The following DNAH8 variants were observed in gnomAD, a reference collection of about 807,000 sequenced individuals.
The protein encoded by DNAH8 is dynein axonemal heavy chain 8.
A neutral mutation model predicts 562.1 loss-of-function variants in DNAH8; 382 were observed. The ratio of observed to expected loss-of-function variants is 0.68; its 90% CI spans 0.63 to 0.74. DNAH8 has a LOEUF of 0.74. Ranked by LOEUF, DNAH8 falls within the 30% of genes least tolerant of loss-of-function variation. DNAH8 has a pLI of 0.00. For synonymous variants in DNAH8, 1,881 were observed against 1,919.4 expected (o/e 0.98, Z 0.52); for missense variants, 5,203 against 5,620.4 (o/e 0.93, Z 2.37).
At chr6:39,012,997 G>T (rs571590362) in intron 91 of DNAH8, among the ~76,000 whole-genome samples, 82 of 152,234 alleles carry the variant, frequency 5.4e-4, no homozygotes, top group African/African-American at 1.9e-3. Context: ...ACCAAAAGAT[G>T]CAAAAATTGT....
At chr6:38,881,450 C>T (rs1252045832) in intron 53 of DNAH8, among the ~76,000 whole-genome samples, 8 of 151,958 alleles carry the variant, frequency 5.3e-5, no homozygotes, top group South Asian at 2.1e-4. Flanking sequence ...ATAGGAATAA[C>T]GCCAATACAA....
chr6:38,894,899 C>G (rs781296739), intron 59 of DNAH8, 35 bp downstream of exon 59: 9 of 1,575,262 alleles, frequency 5.7e-6, no homozygotes, highest in Non-Finnish European at 6.0e-6. Context: ...AAATGTATGA[C>G]CTGAGAAGTT....
chr6:38,936,938 A>G (rs1417409175), intron 77 of DNAH8, among the ~76,000 whole-genome samples: 2 of 152,342 alleles, frequency 1.3e-5, no homozygotes, highest in South Asian at 4.1e-4. Context: ...TTAGCTCAGT[A>G]CATCCAAGGT....
chr6:38,889,937 A>C (rs1290030433), intron 57 of DNAH8, among the ~76,000 whole-genome samples: 1 of 152,218 alleles, frequency 6.6e-6, no homozygotes, highest in Non-Finnish European at 1.5e-5. Flanking sequence ...CACACTCTGC[A>C]GTGTGTAGTC....
chr6:38,779,825 C>T (rs867784384), intron 14 of DNAH8, 141 bp from the exon 15 acceptor site: 18 of 800,958 alleles, frequency 2.2e-5, no homozygotes, highest in East Asian at 1.6e-4. Context: ...CCTCCTATCT[C>T]GTTCATTGCT....
At chr6:38,971,506 C>G in intron 82 of DNAH8, 86 bp from the exon 83 acceptor site, 1 of 750,792 alleles carries the variant, frequency 1.3e-6, no homozygotes, top group Non-Finnish European at 2.0e-6. Context: ...TAGAAGGAGG[C>G]TATAATCATT....
At chr6:38,995,288 C>A (rs116252835) in intron 88 of DNAH8, among the ~76,000 whole-genome samples, 2,599 of 152,210 alleles carry the variant, frequency 0.017, 65 homozygotes, top group African/African-American at 0.058. Context: ...AGGTATTATT[C>A]TCCTAAGGTA....
At chr6:39,023,046 T>TG (rs1767029469) in intron 91 of DNAH8, among the ~76,000 whole-genome samples, 1 of 152,346 alleles carries the variant, frequency 6.6e-6, no homozygotes, top group Admixed American at 6.5e-5. Flanking sequence ...CCTGTTTTCA[T>TG]GTGGGTGGTT....
chr6:38,825,606 T>C (rs1228212847), intron 28 of DNAH8, among the ~76,000 whole-genome samples: 1 of 152,120 alleles, frequency 6.6e-6, no homozygotes, highest in African/African-American at 2.4e-5. Flanking sequence ...TCCTCAAGCC[T>C]CATTTCAAAC....
intron 57 of DNAH8, among the ~76,000 whole-genome samples, chr6:38,889,630 C>T (rs1321522586): frequency 6.6e-6 from 1 of 152,176 alleles, no homozygotes; most frequent in Admixed American, 6.5e-5. Flanking sequence ...CAATCAAGGC[C>T]TTTTAGCTAG....
rs758625028 is a variant in DNAH8 at position 38,845,696 on chromosome 6, C to G, written c.4968C>G (p.Leu1656=). The G allele has an allele frequency of 6.8e-6, 11 of 1,613,762 alleles. No homozygotes were observed. In the Admixed American group the frequency reaches 1.7e-4, roughly 24 times the overall value. ...TTAAGGGAAAAGGAGAGCTCCTGCTCAAAGGAACCGAATCGGGAGAAATTA... is the reference window on the plus strand; with the variant it reads ...TTAAGGGAAAAGGAGAGCTCCTGCTGAAAGGAACCGAATCGGGAGAAATTA... ...AAFKGKGELL[L]KGTESGEIIT... Residue 1656 remains leucine (L), a synonymous_variant, in exon 36 of 93, where the codon CTC becomes CTG. Transcript: ENST00000327475.
chr6:38,872,481 A>G (rs1777543101), intron 49 of DNAH8, 55 bp from the exon 50 acceptor site: 1 of 1,566,380 alleles, frequency 6.4e-7, no homozygotes, highest in Non-Finnish European at 8.7e-7. Context: ...GCTACTATGA[A>G]TGTCAGCAAG....
chr6:38,917,236 T>C lies in DNAH8; in HGVS notation c.10141-3T>C. On this transcript the variant is annotated splice_region_variant and splice_polypyrimidine_tract_variant and intron_variant, in intron 68 of 92. Transcript: ENST00000327475. ...AAATATTGATCCTTAATCCCAAATATAGACTATCAAGCCAAATGATATTGC... is the reference window on the plus strand; with the variant it reads ...AAATATTGATCCTTAATCCCAAATACAGACTATCAAGCCAAATGATATTGC... 1.4e-6 allele frequency: 2 copies of C among 1,480,704 alleles called. No homozygotes were observed. The highest frequency in any genetic ancestry group is 2.7e-5 in the African/African-American group (1 of 36,562). The allele number at this position is 1,480,704 out of a possible 1,614,324, so 91.7% of individuals were successfully genotyped here.
At chr6:38,901,587 A>G (rs1173206100) in intron 62 of DNAH8, among the ~76,000 whole-genome samples, 1 of 152,136 alleles carries the variant, frequency 6.6e-6, no homozygotes. Context: ...TTTAGTATAT[A>G]TATTTAAATT....
chr6:38,946,962 C>T (rs1010323038), intron 80 of DNAH8, among the ~76,000 whole-genome samples: 2 of 152,130 alleles, frequency 1.3e-5, no homozygotes, highest in African/African-American at 4.8e-5. Context: ...TTGCCTCTGC[C>T]AACTAGGTTT....
intron 31 of DNAH8, among the ~76,000 whole-genome samples, chr6:38,834,076 T>C (rs892810498): frequency 6.6e-6 from 1 of 152,240 alleles, no homozygotes; most frequent in African/African-American, 2.4e-5. Flanking sequence ...ATATTCAATT[T>C]ACATGTGTCC....
rs754133293 is a variant in DNAH8, at chr6:38,750,483, G to A, written c.1301G>A (p.Arg434His). 10 of 1,605,616 alleles carry A rather than the reference G, an allele frequency of 6.2e-6. No individual in the cohort carries two copies. Among genetic ancestry groups the A allele is most frequent in the Middle Eastern group, 1.7e-4 (1 of 6,050 alleles). ...VAHSKLLKNW[R>H]DLDARITDTA... ...TATACCTTTTTTTCTTAGAATTGGC[G>A]TGATTTGGATGCAAGAATCACTGAT... The change falls in exon 9 of 93, where the codon CGT becomes CAT. Residue 434 changes from arginine to histidine, a missense_variant. Physicochemically the swap from Arg to His is conservative, Grantham distance 29 (BLOSUM62 0). This residue lies in a region of DNAH8 where 2,176 missense variants were observed against 2,365.1 expected (regional missense o/e 0.92). Coordinates refer to ENST00000327475, the MANE Select transcript of DNAH8 (RefSeq NM_001206927.2).
chr6:38,822,923 C>G lies in DNAH8; in HGVS notation c.3609C>G (p.Val1203=), dbSNP rs770585550. ...VAEHKDISKL[V]LLLSSSVNSL... is the part of the protein sequence containing the mutation. ...AGCACAAGGATATTTCTAAGTTGGT[C>G]CTGCTCCTTTCTTCCTCTGTAAATT... is the stretch of plus-strand genomic sequence containing the variant. The change falls in exon 27 of 93, where the codon GTC becomes GTG. Residue 1203 remains valine (V), a synonymous_variant. Coordinates refer to ENST00000327475, the MANE Select transcript of DNAH8 (RefSeq NM_001206927.2). The G allele has an allele frequency of 6.2e-7, 1 of 1,613,548 alleles. No homozygotes were observed. The highest frequency in any genetic ancestry group is 1.7e-5 in the Admixed American group (1 of 59,896).
intron 85 of DNAH8, 121 bp from the exon 86 acceptor site, chr6:38,982,225 C>A: frequency 1.6e-6 from 1 of 642,912 alleles, no homozygotes; most frequent in Non-Finnish European, 2.9e-6. Flanking sequence ...ATTGTATATA[C>A]TATTCTTTTA....
Sources: gnomAD v4.1 joint callset for allele counts (sites outside exome capture counted in the v4.1 genomes callset) on GRCh38, gnomAD v4.1.1 for gene constraint, gnomAD v4.1.1 regional missense constraint, MANE v1.5 for transcripts, NCBI Gene and HGNC (gene_info 2026-07-23, HGNC 2026-07-21) for gene names.